TENM3: variants seen among roughly 807,000 people sequenced by gnomAD.
TENM3 encodes the protein teneurin-3.
TENM3 carries 63 observed loss-of-function variants against 255.1 expected under a neutral mutation model. The ratio of observed to expected loss-of-function variants is 0.25; its 90% confidence interval spans 0.20 to 0.30. The LOEUF is 0.30. Ranked by LOEUF, TENM3 falls within the 10% of genes least tolerant of loss-of-function variation. The pLI is 1.00. For missense variants in TENM3, 2,929 were observed against 3,461.1 expected, an observed-to-expected ratio of 0.85 and a Z score of 3.86; for synonymous variants, 1,306 against 1,322.3, an observed-to-expected ratio of 0.99 and a Z score of 0.27.
intron 3 of TENM3, among the ~76,000 whole-genome samples, chr4:182,381,807 C>T (rs565899517): frequency 6.0e-4 from 91 of 152,228 alleles, no homozygotes; most frequent in Non-Finnish European, 9.6e-4. Flanking sequence ...GTGATCTGCC[C>T]GCATCGGCCT....
intron 1 of TENM3, among the ~76,000 whole-genome samples, chr4:182,246,383 A>T (rs6552548): frequency 6.1e-5 from 9 of 147,062 alleles, no homozygotes; most frequent in African/African-American, 2.0e-4. Context: ...ATTTTAGATA[A>T]GCAGTGGACA....
At chr4:182,748,696 C>T (rs769160635) in intron 19 of TENM3, among the ~76,000 whole-genome samples, 1 of 152,142 alleles carries the variant, frequency 6.6e-6, no homozygotes, top group Non-Finnish European at 1.5e-5. Flanking sequence ...TAACAACCAG[C>T]TCTAATTTGC....
chr4:181,757,638 G>A, the TENM3 span, among the ~76,000 whole-genome samples: 13 of 152,106 alleles, frequency 8.5e-5, no homozygotes, highest in Admixed American at 3.3e-4. Context: ...GTGTTTACAG[G>A]CAGCAAAAGG....
chr4:181,622,310 T>C, the TENM3 span, among the ~76,000 whole-genome samples: 1 of 152,146 alleles, frequency 6.6e-6, no homozygotes, highest in Non-Finnish European at 1.5e-5. Context: ...CCAAACACAA[T>C]ACTGGCAATC....
chr4:182,407,264 AT>A (rs907445472), intron 3 of TENM3, among the ~76,000 whole-genome samples: 31 of 152,170 alleles, frequency 2.0e-4, no homozygotes, highest in African/African-American at 7.5e-4. Context: ...TGGAAAACCA[AT>A]TTTTTACTTC....
chr4:182,047,351 C>T, the TENM3 span, among the ~76,000 whole-genome samples: 5 of 151,854 alleles, frequency 3.3e-5, no homozygotes, highest in South Asian at 2.1e-4. Context: ...ATTACGAGGT[C>T]GGGAGGTCAA....
chr4:181,895,916 A>T, the TENM3 span, among the ~76,000 whole-genome samples: 12 of 152,194 alleles, frequency 7.9e-5, no homozygotes, highest in African/African-American at 2.9e-4. Context: ...TTGTGTCTCC[A>T]TTGGCAAAAG....
intron 1 of TENM3, among the ~76,000 whole-genome samples, chr4:182,190,605 C>T (rs997525119): frequency 5.3e-5 from 8 of 152,236 alleles, no homozygotes; most frequent in African/African-American, 1.9e-4. Context: ...ATTTGAGAAC[C>T]ACATTTACCT....
At chr4:182,777,822 T>C (rs954883392) in intron 24 of TENM3, among the ~76,000 whole-genome samples, 1 of 148,732 alleles carries the variant, frequency 6.7e-6, no homozygotes, top group African/African-American at 2.5e-5. Context: ...CCTCCCAAAG[T>C]GCTAGGAATA....
chr4:182,023,595 G>T, the TENM3 span, among the ~76,000 whole-genome samples: 1 of 152,140 alleles, frequency 6.6e-6, no homozygotes, highest in African/African-American at 2.4e-5. Flanking sequence ...TGAAGTGTAC[G>T]CCACTGATCA....
intron 6 of TENM3, among the ~76,000 whole-genome samples, chr4:182,657,895 A>G (rs914410960): frequency 1.3e-5 from 2 of 152,178 alleles, no homozygotes; most frequent in African/African-American, 2.4e-5. Context: ...AGCTCAAGCA[A>G]TCCTCCTGCC....
the TENM3 span, among the ~76,000 whole-genome samples, chr4:181,919,661 T>G: frequency 2.0e-5 from 3 of 152,012 alleles, no homozygotes; most frequent in African/African-American, 7.2e-5. Flanking sequence ...TCAGATGAAG[T>G]GACACAATCG....
the TENM3 span, among the ~76,000 whole-genome samples, chr4:181,466,492 C>T: frequency 6.6e-6 from 1 of 152,252 alleles, no homozygotes; most frequent in East Asian, 1.9e-4. Flanking sequence ...GAGCCACCTA[C>T]ACTTTACGGT....
At chr4:181,535,441 T>C in the TENM3 span, among the ~76,000 whole-genome samples, 3 of 152,206 alleles carry the variant, frequency 2.0e-5, no homozygotes, top group African/African-American at 7.2e-5. Context: ...GCTCTTGCAA[T>C]AGCCTTCTAA....
intron 1 of TENM3, among the ~76,000 whole-genome samples, chr4:182,154,569 T>A (rs1222701188): frequency 6.6e-6 from 1 of 152,192 alleles, no homozygotes. Context: ...GAAGCCAGAT[T>A]ATCTATTGAA....
chr4:181,894,190 G>A, the TENM3 span, among the ~76,000 whole-genome samples: 42 of 152,182 alleles, frequency 2.8e-4, no homozygotes, highest in East Asian at 5.2e-3. Context: ...TACTAATTTC[G>A]GAGTTCCTAA....
At chr4:182,753,060 C>T (rs561663078) in intron 20 of TENM3, among the ~76,000 whole-genome samples, 1 of 150,794 alleles carries the variant, frequency 6.6e-6, no homozygotes, top group East Asian at 2.0e-4. Flanking sequence ...CATTCTTCTG[C>T]CTCAGCCTCC....
chr4:182,374,819 G>A (rs1332887128), intron 3 of TENM3, among the ~76,000 whole-genome samples: 2 of 152,142 alleles, frequency 1.3e-5, no homozygotes, highest in Admixed American at 6.5e-5. Flanking sequence ...GTGAAGACAG[G>A]ACAGAAGTTG....
the TENM3 span, among the ~76,000 whole-genome samples, chr4:181,832,194 T>C: frequency 6.6e-6 from 1 of 152,126 alleles, no homozygotes; most frequent in South Asian, 2.1e-4. Context: ...TTTTCCAATG[T>C]GTTTATGTTC....
Sources: gnomAD v4.1 joint callset for allele counts (sites outside exome capture counted in the v4.1 genomes callset) on GRCh38, gnomAD v4.1.1 for gene constraint, MANE v1.5 for transcripts, NCBI Gene and HGNC (gene_info 2026-07-23, HGNC 2026-07-21) for gene names.